SLC45A3: variants seen among roughly 807,000 people sequenced by gnomAD.
The protein encoded by SLC45A3 is solute carrier family 45 member 3.
Under a neutral mutation model 35.3 loss-of-function variants are expected in SLC45A3, and 17 were observed. That is an observed-to-expected ratio of 0.48 (90% confidence interval 0.33 to 0.72). The LOEUF (loss-of-function observed/expected upper bound fraction) is 0.72. Ranked by LOEUF, SLC45A3 falls within the 30% of genes least tolerant of loss-of-function variation. The pLI is 0.02. For synonymous variants in SLC45A3, 288 were observed against 334.3 expected (o/e 0.86, Z 1.51); for missense variants, 597 against 731.7 (o/e 0.82, Z 2.12).
At chr1:205,668,859 C>T (rs1016030108) in intron 1 of SLC45A3, among the ~76,000 whole-genome samples, 5 of 152,160 alleles carry the variant, frequency 3.3e-5, no homozygotes, top group African/African-American at 4.8e-5. Flanking sequence ...CTTTCTGGAG[C>T]TCTGCCCCAG....
At chr1:205,671,437 C>G (rs115995402) in intron 1 of SLC45A3, among the ~76,000 whole-genome samples, 2,344 of 152,340 alleles carry the variant, frequency 0.015, 61 homozygotes, top group African/African-American at 0.049. Flanking sequence ...CAAACCCTGG[C>G]AGACTCTGCA....
In SLC45A3 at chr1:205,663,425, C is replaced by T. The variant is rs763246487; in HGVS notation, c.366G>A (p.Leu122=). ...GCCCCACGCCCAGGATGAGCAGTGC[C>T]AGCTCCAGGGGCCTGGGATCCGGGC... ...LLCPDPRPLE[L]ALLILGVGLL... The change falls in exon 3 of 5, where the codon CTG becomes CTA. Residue 122 remains leucine, a synonymous_variant. Transcript: ENST00000367145. The T allele has an allele frequency of 8.1e-6, 13 of 1,612,956 alleles. No individual in the cohort carries two copies. The highest frequency in any genetic ancestry group is 1.1e-5 in the South Asian group (1 of 91,034).
Position 205,663,074 on chromosome 1 carries a change from G to A in SLC45A3, c.717C>T (p.Pro239=), listed in dbSNP as rs1211660339. 2 of 1,605,118 alleles carry A rather than the reference G, an allele frequency of 1.2e-6. No individual in the cohort carries two copies. Among genetic ancestry groups the A allele is most frequent in the African/African-American group, 2.7e-5 (2 of 74,766 alleles). Reference sequence around the variant, plus strand: ...AGCGGGCCCGGCATGGACAGCAGTGGGGCGACAAGGAGGGGGCCGACAGCC... The same window carrying A: ...AGCGGGCCCGGCATGGACAGCAGTGAGGCGACAAGGAGGGGGCCGACAGCC... ...AEGLSAPSLS[P]HCCPCRARLA... Residue 239 remains proline (P), a synonymous_variant, in exon 3 of 5, where the codon CCC becomes CCT. Coordinates refer to ENST00000367145, the MANE Select transcript of SLC45A3 (RefSeq NM_033102.3).
At position 205,662,704 on chromosome 1, in the gene SLC45A3, G is replaced by C; in HGVS notation, c.958+129C>G. On this transcript the variant is annotated intron_variant, in intron 3 of 4. Coordinates refer to ENST00000367145, the MANE Select transcript of SLC45A3 (RefSeq NM_033102.3). This position sits in a 1 kb window ranked among gnomAD's most constrained non-coding sequence, Gnocchi z 6.2. ...CATGAGAAGCCGTGTATGCAGATGGGGTCCATCCCCACTTTCCTGACAGAG... is the reference window on the plus strand; with the variant it reads ...CATGAGAAGCCGTGTATGCAGATGGCGTCCATCCCCACTTTCCTGACAGAG... 6.8e-7 allele frequency: 1 copy of C among 1,464,124 alleles called. No homozygotes were observed. Among genetic ancestry groups the C allele is most frequent in the Non-Finnish European group, 9.0e-7 (1 of 1,114,932 alleles). The allele number at this position is 1,464,124 out of a possible 1,614,324, so 90.7% of individuals were successfully genotyped here.
Position 205,662,838 on chromosome 1 carries a change from T to G in SLC45A3, c.953A>C (p.Asp318Ala). The G allele has an allele frequency of 1.3e-6, 2 of 1,589,040 alleles. No individual in the cohort carries two copies. The highest frequency in any genetic ancestry group is 1.7e-6 in the Non-Finnish European group (2 of 1,164,922). Residue 318 changes from aspartate to alanine, a missense_variant, in exon 3 of 5, where the codon GAT (aspartate) becomes GCT (alanine). This residue lies in a region of SLC45A3 where 555 missense variants were observed against 664.9 expected (regional missense o/e 0.83). Coordinates refer to ENST00000367145, the MANE Select transcript of SLC45A3 (RefSeq NM_033102.3). The surrounding 1 kb of genome is among the most constrained non-coding windows in gnomAD (Gnocchi z 6.2). ...EPGTEARRHY[D>A]EGVRMGSLGL... ...GCTGGCTGCCAAGGCCTTACCTTCA[T>G]CATAGTGTCTCCGGGCCTCGGTGCC...
At chr1:205,672,539 G>A (rs1024345299) in intron 1 of SLC45A3, among the ~76,000 whole-genome samples, 4 of 152,134 alleles carry the variant, frequency 2.6e-5, no homozygotes, top group African/African-American at 7.2e-5. Context: ...CAATTCATAC[G>A]CTCCAAATCC....
Position 205,676,894 on chromosome 1 carries a change from C to T in SLC45A3, c.-231+3500G>A, listed in dbSNP as rs141377310. Among the ~76,000 whole-genome samples the T allele has an allele frequency of 4.6e-5, 7 of 152,302 alleles. No homozygotes were observed. In the East Asian group the frequency reaches 1.4e-3, roughly 29 times the overall value. On this transcript the variant is annotated intron_variant, in intron 1 of 4. Coordinates refer to ENST00000367145, the MANE Select transcript of SLC45A3 (RefSeq NM_033102.3). ...TTCAAGACACTGGGCCTGGTACCAGCTGGTCCAGTCTCCACCCCTGCTGCC... is the reference window on the plus strand; with the variant it reads ...TTCAAGACACTGGGCCTGGTACCAGTTGGTCCAGTCTCCACCCCTGCTGCC...
chr1:205,678,576 A>G (rs1439310672), intron 1 of SLC45A3, among the ~76,000 whole-genome samples: 2 of 152,018 alleles, frequency 1.3e-5, no homozygotes, highest in Non-Finnish European at 2.9e-5. Flanking sequence ...TCCTCCTTCA[A>G]CGTTATTCAG....
rs1671120071 is a variant in SLC45A3 at position 205,666,511 on chromosome 1, A to G, written c.-230-1625T>C. ...GACAGAGGGAGACACTGCCTAAAAAAACATCAGATGGCTATCAGTCCTGGG... is the reference window on the plus strand; with the variant it reads ...GACAGAGGGAGACACTGCCTAAAAAGACATCAGATGGCTATCAGTCCTGGG... On this transcript the variant is annotated intron_variant, in intron 1 of 4. Coordinates refer to ENST00000367145, the MANE Select transcript of SLC45A3 (RefSeq NM_033102.3). This position sits in a 1 kb window ranked among gnomAD's most constrained non-coding sequence, Gnocchi z 4.1. Among the ~76,000 whole-genome samples the G allele has an allele frequency of 6.6e-6, 1 of 152,204 alleles. No individual in the cohort carries two copies. The highest frequency in any genetic ancestry group is 2.4e-5 in the African/African-American group (1 of 41,450).
Position 205,675,852 on chromosome 1 carries a change from G to A in SLC45A3, c.-231+4542C>T, listed in dbSNP as rs190858731. 1.4e-3 allele frequency among the ~76,000 whole-genome samples: 213 copies of A among 152,194 alleles called. 2 individuals carry two copies. Among genetic ancestry groups the A allele is most frequent in the East Asian group, 5.0e-3 (26 of 5,172 alleles). ...AAGCCGTCAAGTATCCCCTCTCCCT[G>A]CTAAATCTCAACTGCTCTAACCAGG... is the stretch of plus-strand genomic sequence containing the variant. On this transcript the variant is annotated intron_variant, in intron 1 of 4. Transcript: ENST00000367145.
chr1:205,671,586 C>T (rs181186716), intron 1 of SLC45A3, among the ~76,000 whole-genome samples: 4 of 152,318 alleles, frequency 2.6e-5, no homozygotes, highest in South Asian at 2.1e-4. Context: ...AGGCCGGGCA[C>T]GGTGGCTCAC....
chr1:205,664,995 T>A lies in SLC45A3; in HGVS notation c.-230-109A>T. On this transcript the variant is annotated intron_variant, in intron 1 of 4. Coordinates refer to ENST00000367145, the MANE Select transcript of SLC45A3 (RefSeq NM_033102.3). This position sits in a 1 kb window ranked among gnomAD's most constrained non-coding sequence, Gnocchi z 5.3. The stretch of plus-strand genomic sequence containing the variant: ...TCCTGATCATTCACAGGCTGGCGAC[T>A]GGCCCTGTCACCGAGGTGCCACCCC... 9.1e-7 allele frequency: 1 copy of A among 1,096,616 alleles called. No individual in the cohort carries two copies. The highest frequency in any genetic ancestry group is 1.1e-6 in the Non-Finnish European group (1 of 883,352). 67.9% of individuals were successfully genotyped at this position (1,096,616 alleles called of 1,614,324 possible).
intron 1 of SLC45A3, among the ~76,000 whole-genome samples, chr1:205,679,147 C>T (rs756062061): frequency 6.6e-6 from 1 of 152,170 alleles, no homozygotes; most frequent in African/African-American, 2.4e-5. Flanking sequence ...ACTGGCAATG[C>T]CCGGCTGCAG....
At chr1:205,675,186 G>A (rs1460710792) in intron 1 of SLC45A3, among the ~76,000 whole-genome samples, 1 of 152,186 alleles carries the variant, frequency 6.6e-6, no homozygotes, top group East Asian at 1.9e-4. Flanking sequence ...CCCAGGAATG[G>A]GGTAGGACCC....
intron 4 of SLC45A3, among the ~76,000 whole-genome samples, chr1:205,660,369 ACCATCCCCCCAACCC>A (rs900523877): frequency 1.1e-4 from 16 of 152,244 alleles, no homozygotes; most frequent in Admixed American, 7.2e-4. Flanking sequence ...CTGGTCGACC[ACCATCCCCCCAACCC>A]CTGCCCTTGA....
At position 205,662,702 on chromosome 1, in the gene SLC45A3, G is replaced by A; in HGVS notation, c.958+131C>T. On this transcript the variant is annotated intron_variant, in intron 3 of 4. Transcript: ENST00000367145. The surrounding 1 kb of genome is among the most constrained non-coding windows in gnomAD (Gnocchi z 6.2). The stretch of plus-strand genomic sequence containing the variant: ...CCCATGAGAAGCCGTGTATGCAGAT[G>A]GGGTCCATCCCCACTTTCCTGACAG... 6.8e-7 allele frequency: 1 copy of A among 1,461,580 alleles called. No individual in the cohort carries two copies. The highest frequency in any genetic ancestry group is 2.4e-5 in the East Asian group (1 of 41,778). The allele number at this position is 1,461,580 out of a possible 1,614,324, so 90.5% of individuals were successfully genotyped here. A position where few individuals can be genotyped will look rare whatever the true frequency, so the allele number is the denominator to read the frequency against.
In SLC45A3 at chr1:205,657,889, CATT is replaced by C. The variant is rs1360529205; in HGVS notation, c.*1342_*1344del. 23 of 204,120 alleles carry C rather than the reference CATT, an allele frequency of 1.1e-4. No individual in the cohort carries two copies. The East Asian group carries it at 1.7e-3, about 15-fold the overall frequency. The allele number at this position is 204,120 out of a possible 1,614,324, so 12.6% of individuals were successfully genotyped here. A position where few individuals can be genotyped will look rare whatever the true frequency, so the allele number is the denominator to read the frequency against. On this transcript the variant is annotated 3_prime_UTR_variant, in exon 5 of 5. Transcript: ENST00000367145. ...AAGCCTTTAATTTTGTCACCATAAA[CATT>C]ATACTCTGATTGCTCACTTACAGTA...
At position 205,680,469 on chromosome 1, in the gene SLC45A3, G is replaced by C. The variant is rs899513568; in HGVS notation, c.-306C>G. 1 of 152,576 alleles carries C rather than the reference G, an allele frequency of 6.6e-6. No individual in the cohort carries two copies. Among genetic ancestry groups the C allele is most frequent in the Admixed American group, 6.5e-5 (1 of 15,306 alleles). The allele number at this position is 152,576 out of a possible 1,614,324, so 9.5% of individuals were successfully genotyped here. ...CCGCCCCCCCTTCCTTGCCCCCCAC[G>C]CGCGCCAGCCGGCGGCTTTTAAATC... On this transcript the variant is annotated 5_prime_UTR_variant, in exon 1 of 5. Coordinates refer to ENST00000367145, the MANE Select transcript of SLC45A3 (RefSeq NM_033102.3).
chr1:205,680,291 C>T (rs1047205050), intron 1 of SLC45A3, 103 bp downstream of exon 1: 1 of 152,072 alleles, frequency 6.6e-6, no homozygotes, highest in Non-Finnish European at 1.5e-5. Flanking sequence ...CCCCATCCCG[C>T]GGGGCGCAAA....
Sources: allele counts gnomAD v4.1 joint callset (sites outside exome capture counted in the v4.1 genomes callset), GRCh38; gene constraint gnomAD v4.1.1; regional missense constraint gnomAD v4.1.1; non-coding constraint Gnocchi (gnomAD v3.1); transcripts MANE v1.5; gene names NCBI Gene and HGNC (gene_info 2026-07-23, HGNC 2026-07-21).